SLC7A7: variants seen among roughly 807,000 people sequenced by gnomAD.
The protein encoded by SLC7A7 is solute carrier family 7 member 7.
In SLC7A7, 39 loss-of-function variants were observed where a neutral mutation model predicts 47.9. The observed-to-expected ratio is 0.81, with a 90% CI of 0.63 to 1.06. The LOEUF (loss-of-function observed/expected upper bound fraction) is 1.06. SLC7A7 is among the 50% of genes least tolerant of loss of function. The probability of loss-of-function intolerance (pLI) is 0.00; values close to 1 mark genes in which losing one functional copy is unlikely to be tolerated. For missense variants in SLC7A7, 588 were observed against 632.0 expected, an observed-to-expected ratio of 0.93 and a Z score of 0.75; for synonymous variants, 234 against 242.8, an observed-to-expected ratio of 0.96 and a Z score of 0.34.
intron 2 of SLC7A7, chr14:22,780,506 A>G (rs1356314931): frequency 5.8e-6 from 1 of 172,790 alleles, no homozygotes; most frequent in Admixed American, 5.5e-5. Context: ...TGACTTATCC[A>G]ATGCTGAGCC....
rs1345962900 is a variant in SLC7A7 at position 22,801,836 on chromosome 14, C to G, written c.499+11064G>C. ...TGCCCATCCTGACCCCGGCATGCAC[C>G]CATGCATGCGGTCACACACACCCAC... On this transcript the variant is annotated intron_variant, in intron 2 of 9. Transcript: ENST00000674313. Among the ~76,000 whole-genome samples, 3 of 152,094 alleles carry G rather than the reference C, an allele frequency of 2.0e-5. No individual in the cohort carries two copies. In the East Asian group the frequency reaches 5.8e-4, roughly 29 times the overall value.
chr14:22,773,446 A>G lies in SLC7A7; in HGVS notation c.*164T>C. On this transcript the variant is annotated 3_prime_UTR_variant, in exon 10 of 10. Coordinates refer to ENST00000674313, the MANE Select transcript of SLC7A7 (RefSeq NM_003982.4). Reference sequence around the variant, plus strand: ...TCTGGAACAGTATGTAGCAAAACAAATAAATTACTTTTCATTTCAAAAAGT... The same window carrying G: ...TCTGGAACAGTATGTAGCAAAACAAGTAAATTACTTTTCATTTCAAAAAGT... 1.4e-6 allele frequency: 1 copy of G among 715,186 alleles called. No individual in the cohort carries two copies. The highest frequency in any genetic ancestry group is 2.6e-6 in the Non-Finnish European group (1 of 388,902). The allele number at this position is 715,186 out of a possible 1,614,324, so 44.3% of individuals were successfully genotyped here. A position where few individuals can be genotyped will look rare whatever the true frequency, so the allele number is the denominator to read the frequency against.
In SLC7A7 at chr14:22,776,261, C is replaced by A; in HGVS notation, c.828G>T (p.Leu276Phe). Reference protein sequence around the residue: ...SMPIVTIIYILTNVAYYTVLD... With the variant: ...SMPIVTIIYIFTNVAYYTVLD... ...GCACAGTATAATAGGCCACATTGGT[C>A]AAGATATAGATGATGGTGACAATGG... The change falls in exon 5 of 10, where the codon TTG (leucine) becomes TTT (phenylalanine). Residue 276 changes from leucine to phenylalanine, a missense_variant. Coordinates refer to ENST00000674313, the MANE Select transcript of SLC7A7 (RefSeq NM_003982.4). The A allele has an allele frequency of 6.2e-7, 1 of 1,614,178 alleles. No individual in the cohort carries two copies. The highest frequency in any genetic ancestry group is 8.5e-7 in the Non-Finnish European group (1 of 1,180,020).
chr14:22,775,828 C>G lies in SLC7A7; in HGVS notation c.998+5G>C, dbSNP rs554612459. The G allele has an allele frequency of 4.3e-6, 7 of 1,611,472 alleles. No homozygotes were observed. In the South Asian group the frequency reaches 6.6e-5, roughly 15 times the overall value. ...TACACCCCTCACAAAAGTTGCCACT[C>G]TTACCTAGAAGCAGCCACAATGGAG... On this transcript the variant is annotated splice_donor_5th_base_variant and intron_variant, in intron 6 of 9. Coordinates refer to ENST00000674313, the MANE Select transcript of SLC7A7 (RefSeq NM_003982.4).
chr14:22,777,872 G>A (rs1029317832), intron 4 of SLC7A7, among the ~76,000 whole-genome samples: 6 of 152,162 alleles, frequency 3.9e-5, no homozygotes, highest in Admixed American at 2.6e-4. Context: ...TCAGGAGTTC[G>A]AGACCAGCCT....
At chr14:22,784,889 C>A (rs1207173739) in intron 2 of SLC7A7, among the ~76,000 whole-genome samples, 1 of 152,232 alleles carries the variant, frequency 6.6e-6, no homozygotes, top group East Asian at 1.9e-4. Context: ...ACCCACAATT[C>A]TGTAAGCACT....
intron 2 of SLC7A7, among the ~76,000 whole-genome samples, chr14:22,796,423 C>T (rs749717934): frequency 1.3e-5 from 2 of 152,166 alleles, no homozygotes; most frequent in Non-Finnish European, 2.9e-5. Context: ...GGCAAAAGCA[C>T]GAAATACCCT....
At chr14:22,801,878 C>A (rs556796363) in intron 2 of SLC7A7, among the ~76,000 whole-genome samples, 3 of 152,336 alleles carry the variant, frequency 2.0e-5, no homozygotes, top group Admixed American at 1.3e-4. Flanking sequence ...ACATAAAGTG[C>A]TCCAAAAAGA....
intron 4 of SLC7A7, among the ~76,000 whole-genome samples, chr14:22,776,705 C>T (rs1020470329): frequency 6.6e-6 from 1 of 151,780 alleles, no homozygotes; most frequent in African/African-American, 2.4e-5. Flanking sequence ...TGGTGGCTCA[C>T]GCCTGTAATC....
chr14:22,777,600 C>G (rs1434070916), intron 4 of SLC7A7, among the ~76,000 whole-genome samples: 1 of 152,148 alleles, frequency 6.6e-6, no homozygotes, highest in African/African-American at 2.4e-5. Flanking sequence ...GGGGCAAATA[C>G]TCTGCAAATA....
At chr14:22,799,448 C>CTTTTTTTTTTTTT (rs56375225) in intron 2 of SLC7A7, among the ~76,000 whole-genome samples, 18 of 76,170 alleles carry the variant, frequency 2.4e-4, no homozygotes, top group South Asian at 6.0e-4. Flanking sequence ...TTTTTTCTTT[C>CTTTTTTTTTTTTT]TTTTTTTTTT....
intron 2 of SLC7A7, among the ~76,000 whole-genome samples, chr14:22,795,398 C>T (rs1051136304): frequency 0.13 from 8,969 of 71,226 alleles, 439 homozygotes; most frequent in Non-Finnish European, 0.16. Context: ...TTCTTTCTTT[C>T]TTTCTTTCTT....
rs143888756 is a variant in SLC7A7, at chr14:22,785,879, G to A, written c.500-5828C>T. On this transcript the variant is annotated intron_variant, in intron 2 of 9. Transcript: ENST00000674313. ...CTACTAAAAATACAAAAAATTAGCC[G>A]GGTGTGGTGGCAGGCGCCTATAGTC... Among the ~76,000 whole-genome samples, 19 of 151,972 alleles carry A rather than the reference G, an allele frequency of 1.3e-4. No individual in the cohort carries two copies. In the East Asian group the frequency reaches 2.3e-3, roughly 19 times the overall value.
At chr14:22,811,366 T>C (rs2039302953) in intron 2 of SLC7A7, among the ~76,000 whole-genome samples, 1 of 152,128 alleles carries the variant, frequency 6.6e-6, no homozygotes, top group Admixed American at 6.5e-5. Flanking sequence ...GTGGAAGGCA[T>C]CTCTAAGGTC....
intron 2 of SLC7A7, among the ~76,000 whole-genome samples, chr14:22,780,800 T>C (rs1353052341): frequency 2.0e-5 from 3 of 152,248 alleles, no homozygotes; most frequent in Non-Finnish European, 2.9e-5. Flanking sequence ...CAAAGTGTTA[T>C]GTCCATATGA....
intron 2 of SLC7A7, among the ~76,000 whole-genome samples, chr14:22,786,926 A>G (rs1420176377): frequency 2.0e-5 from 3 of 152,110 alleles, no homozygotes; most frequent in Admixed American, 2.0e-4. Flanking sequence ...ACACAGTAAG[A>G]TCCTTTCTCC....
chr14:22,773,324 A>G lies in SLC7A7; in HGVS notation c.*286T>C. On this transcript the variant is annotated 3_prime_UTR_variant, in exon 10 of 10. Coordinates refer to ENST00000674313, the MANE Select transcript of SLC7A7 (RefSeq NM_003982.4). ...GCATTGTGGGCCCTTTTAAAAGAAAAGAGGAGTAGGTAGGCACACCCAGGT... is the reference window on the plus strand; with the variant it reads ...GCATTGTGGGCCCTTTTAAAAGAAAGGAGGAGTAGGTAGGCACACCCAGGT... 1.9e-6 allele frequency: 1 copy of G among 533,942 alleles called. No homozygotes were observed. The highest frequency in any genetic ancestry group is 3.6e-6 in the Non-Finnish European group (1 of 279,676). The allele number at this position is 533,942 out of a possible 1,614,324, so 33.1% of individuals were successfully genotyped here.
chr14:22,781,756 C>A (rs1355097286), intron 2 of SLC7A7, among the ~76,000 whole-genome samples: 2 of 152,174 alleles, frequency 1.3e-5, no homozygotes, highest in East Asian at 1.9e-4. Context: ...AACCTCTGCC[C>A]TTATCCTAGG....
chr14:22,802,440 A>C (rs1035570859), intron 2 of SLC7A7, among the ~76,000 whole-genome samples: 2 of 150,422 alleles, frequency 1.3e-5, no homozygotes, highest in African/African-American at 2.5e-5. Flanking sequence ...ACAAACAAAA[A>C]AAATATTTAT....
Sources: allele counts gnomAD v4.1 joint callset (sites outside exome capture counted in the v4.1 genomes callset), GRCh38; gene constraint gnomAD v4.1.1; transcripts MANE v1.5; gene names NCBI Gene and HGNC (gene_info 2026-07-23, HGNC 2026-07-21).